The following EYS variants were observed in gnomAD, a reference collection of about 807,000 sequenced individuals.
EYS encodes the protein protein eyes shut homolog.
In EYS, 250 loss-of-function variants were observed where a neutral mutation model predicts 282.1. The ratio of observed to expected loss-of-function variants is 0.89; its 90% CI spans 0.80 to 0.98. The LOEUF (loss-of-function observed/expected upper bound fraction) is 0.98, where lower values mean the gene tolerates loss of function less well. Ranked by LOEUF, EYS falls within the 50% of genes least tolerant of loss-of-function variation. The pLI, the probability that EYS is intolerant of heterozygous loss-of-function variation, is 0.00. For synonymous variants in EYS, 1,355 were observed against 1,282.9 expected (o/e 1.06, Z -1.20); for missense variants, 4,016 against 3,709.0 (o/e 1.08, Z -2.15).
chr6:64,162,214 T>C (rs990800824), intron 31 of EYS, among the ~76,000 whole-genome samples: 1 of 152,176 alleles, frequency 6.6e-6, no homozygotes, highest in African/African-American at 2.4e-5. Flanking sequence ...ACATCCCCTT[T>C]CAGTCAGAAC....
intron 39 of EYS, among the ~76,000 whole-genome samples, chr6:63,779,780 G>A (rs181651451): frequency 4.7e-5 from 7 of 149,858 alleles, no homozygotes; most frequent in African/African-American, 1.7e-4. Flanking sequence ...TTAAGTTCTA[G>A]GGTACATGTG....
chr6:65,161,534 A>C (rs923859646), intron 12 of EYS, among the ~76,000 whole-genome samples: 5 of 151,148 alleles, frequency 3.3e-5, no homozygotes, highest in Non-Finnish European at 7.4e-5. Flanking sequence ...AATTCTTATC[A>C]TATAATAAAC....
chr6:65,687,742 T>A (rs991508314), intron 1 of EYS, among the ~76,000 whole-genome samples: 2 of 152,146 alleles, frequency 1.3e-5, no homozygotes, highest in African/African-American at 2.4e-5. Context: ...AGTCTCAGGA[T>A]ACAAAATCAA....
intron 31 of EYS, among the ~76,000 whole-genome samples, chr6:64,151,313 A>ATTTATT (rs1210011800): frequency 5.9e-5 from 3 of 50,948 alleles, no homozygotes; most frequent in African/African-American, 2.6e-4. Context: ...GTGTGTGTGT[A>ATTTATT]TATTTATATA....
At chr6:65,529,242 T>A (rs2127306440) in intron 2 of EYS, among the ~76,000 whole-genome samples, 1 of 152,304 alleles carries the variant, frequency 6.6e-6, no homozygotes, top group Non-Finnish European at 1.5e-5. Context: ...TAAAATTATC[T>A]CAACCTTATG....
intron 2 of EYS, among the ~76,000 whole-genome samples, chr6:65,570,997 G>T (rs1411851): frequency 2.0e-5 from 3 of 152,012 alleles, no homozygotes; most frequent in Non-Finnish European, 4.4e-5. Flanking sequence ...ATTCACATCA[G>T]TTATGTTCTG....
intron 2 of EYS, among the ~76,000 whole-genome samples, chr6:65,628,193 C>A (rs1766785725): frequency 1.3e-5 from 2 of 151,902 alleles, no homozygotes; most frequent in Admixed American, 1.3e-4. Flanking sequence ...AATCAGCACC[C>A]TGTGTTTAGC....
chr6:63,996,851 A>C (rs1330365050), intron 34 of EYS, among the ~76,000 whole-genome samples: 1 of 152,220 alleles, frequency 6.6e-6, no homozygotes, highest in Non-Finnish European at 1.5e-5. Context: ...ATCAGAATTA[A>C]GAATAAATTT....
chr6:64,470,528 TG>T (rs1217779198), intron 26 of EYS, among the ~76,000 whole-genome samples: 1 of 152,096 alleles, frequency 6.6e-6, no homozygotes, highest in Non-Finnish European at 1.5e-5. Context: ...TCTTTTGCCC[TG>T]GTTTACACTG....
intron 26 of EYS, among the ~76,000 whole-genome samples, chr6:64,520,059 G>T (rs1235337642): frequency 6.6e-6 from 1 of 151,800 alleles, no homozygotes; most frequent in African/African-American, 2.4e-5. Context: ...AAAACAGAGA[G>T]AAAGGAGGAG....
chr6:64,259,999 C>T (rs751548832), intron 30 of EYS, among the ~76,000 whole-genome samples: 132 of 152,082 alleles, frequency 8.7e-4, no homozygotes, highest in Non-Finnish European at 1.3e-3. Flanking sequence ...TTTATTGGGA[C>T]ATTTAGCCAT....
At chr6:64,550,949 T>C (rs1765055926) in intron 26 of EYS, among the ~76,000 whole-genome samples, 1 of 152,150 alleles carries the variant, frequency 6.6e-6, no homozygotes, top group Admixed American at 6.5e-5. Flanking sequence ...TTTTTAATAT[T>C]GCTTTTAATT....
intron 26 of EYS, among the ~76,000 whole-genome samples, chr6:64,494,613 C>T (rs909995858): frequency 4.1e-4 from 62 of 151,814 alleles, no homozygotes; most frequent in African/African-American, 1.4e-3. Context: ...CTGTCTCGGA[C>T]AATGGCTTGG....
rs138275291 is a variant in EYS, at chr6:63,906,809, A to T, written c.7056-42451T>A. On this transcript the variant is annotated intron_variant, in intron 35 of 42. Coordinates refer to ENST00000503581, the MANE Select transcript of EYS (RefSeq NM_001142800.2). ...TGAAAACTGTTTCTTGCTTTTATAC[A>T]TATATATAAAAACACAGATATACAT... Among the ~76,000 whole-genome samples, 250 of 152,236 alleles carry T rather than the reference A, an allele frequency of 1.6e-3. 3 individuals are homozygous for T. The East Asian group carries it at 0.042, about 25-fold the overall frequency.
At chr6:64,911,415 G>A (rs1201694335) in intron 16 of EYS, among the ~76,000 whole-genome samples, 1 of 152,010 alleles carries the variant, frequency 6.6e-6, no homozygotes, top group Non-Finnish European at 1.5e-5. Flanking sequence ...CACGTATACA[G>A]GTTCAAGAAC....
intron 5 of EYS, among the ~76,000 whole-genome samples, chr6:65,432,010 T>A (rs1767906777): frequency 6.6e-6 from 1 of 152,190 alleles, no homozygotes. Flanking sequence ...CCTCACTAGA[T>A]TCCTTCTGGA....
intron 26 of EYS, among the ~76,000 whole-genome samples, chr6:64,534,540 T>C (rs1764458238): frequency 6.6e-6 from 1 of 152,170 alleles, no homozygotes; most frequent in Non-Finnish European, 1.5e-5. Flanking sequence ...ATTTTTCTTT[T>C]TCCCTTTTGC....
At chr6:64,977,195 A>G (rs1476514785) in intron 14 of EYS, among the ~76,000 whole-genome samples, 1 of 151,924 alleles carries the variant, frequency 6.6e-6, no homozygotes, top group Non-Finnish European at 1.5e-5. Flanking sequence ...ACGTTGCCTT[A>G]TCAGTGCCAT....
At chr6:64,997,770 G>A (rs1225863961) in intron 13 of EYS, 67 bp from the exon 14 acceptor site, 1 of 1,413,636 alleles carries the variant, frequency 7.1e-7, no homozygotes, top group African/African-American at 1.4e-5. Flanking sequence ...ATTATAATTA[G>A]TCTAAAATTC....
Sources: allele counts gnomAD v4.1 joint callset (sites outside exome capture counted in the v4.1 genomes callset), GRCh38; gene constraint gnomAD v4.1.1; transcripts MANE v1.5; gene names NCBI Gene and HGNC (gene_info 2026-07-23, HGNC 2026-07-21).